The following RCAN2 variants were observed in gnomAD, a reference collection of about 807,000 sequenced individuals.
RCAN2 encodes regulator of calcineurin 2, also known as calcipressin-2.
Under a neutral mutation model 23.6 loss-of-function variants are expected in RCAN2, and 9 were observed. The observed-to-expected ratio is 0.38, with a 90% confidence interval of 0.23 to 0.67. The LOEUF is 0.67. Among genes scored for constraint, RCAN2 ranks in the 30% least tolerant of loss-of-function variants. RCAN2 has a pLI of 0.51. For synonymous variants in RCAN2, 109 were observed against 115.7 expected, an observed-to-expected ratio of 0.94 and a Z score of 0.37; for missense variants, 273 against 302.3, an observed-to-expected ratio of 0.90 and a Z score of 0.72.
At chr6:46,372,979 C>T (rs1016886772) in intron 2 of RCAN2, among the ~76,000 whole-genome samples, 1 of 152,134 alleles carries the variant, frequency 6.6e-6, no homozygotes, top group Non-Finnish European at 1.5e-5. Flanking sequence ...AAATGACATT[C>T]GTAGTGAATA....
chr6:46,261,579 C>G (rs954852675), intron 2 of RCAN2, among the ~76,000 whole-genome samples: 2 of 152,134 alleles, frequency 1.3e-5, no homozygotes, highest in African/African-American at 2.4e-5. Flanking sequence ...CCAAATATCC[C>G]TATATCCGGA....
At chr6:46,374,408 C>G (rs1231202010) in intron 2 of RCAN2, among the ~76,000 whole-genome samples, 1 of 152,142 alleles carries the variant, frequency 6.6e-6, no homozygotes, top group Non-Finnish European at 1.5e-5. Context: ...ACATGTTGCT[C>G]CAGCTCTCAA....
At chr6:46,294,289 CAG>C (rs1762652219) in intron 2 of RCAN2, among the ~76,000 whole-genome samples, 1 of 152,120 alleles carries the variant, frequency 6.6e-6, no homozygotes, top group Admixed American at 6.6e-5. Flanking sequence ...TTTATTGAAT[CAG>C]AAAACATATA....
chr6:46,317,400 T>A (rs1763473717), intron 2 of RCAN2, among the ~76,000 whole-genome samples: 1 of 152,220 alleles, frequency 6.6e-6, no homozygotes, highest in Non-Finnish European at 1.5e-5. Context: ...ATATTACATA[T>A]GAGTTCAATG....
chr6:46,458,257 A>G (rs1026763285), intron 1 of RCAN2, among the ~76,000 whole-genome samples: 1 of 152,196 alleles, frequency 6.6e-6, no homozygotes, highest in African/African-American at 2.4e-5. Flanking sequence ...ACAAAATATC[A>G]GTTTCTGCTT....
chr6:46,320,207 C>T lies in RCAN2; in HGVS notation c.226-71311G>A, dbSNP rs9472738. ...GTGCCCAGATCCTTACCCTAGTGCT[C>T]GCAAAAAACTTAAGAAATGGGCATG... On this transcript the variant is annotated intron_variant, in intron 2 of 4. Transcript: ENST00000371374. 3.1e-3 allele frequency among the ~76,000 whole-genome samples: 471 copies of T among 152,292 alleles called. 3 individuals carry two copies. Among genetic ancestry groups the T allele is most frequent in the African/African-American group, 0.011 (438 of 41,574 alleles).
At chr6:46,250,043 GAGTA>G (rs1186316958) in intron 2 of RCAN2, among the ~76,000 whole-genome samples, 6 of 152,004 alleles carry the variant, frequency 3.9e-5, no homozygotes, top group African/African-American at 1.4e-4. Flanking sequence ...CAATTCAACT[GAGTA>G]AGTATCTATT....
intron 2 of RCAN2, among the ~76,000 whole-genome samples, chr6:46,340,679 T>A (rs1460637754): frequency 1.3e-5 from 2 of 152,226 alleles, no homozygotes; most frequent in African/African-American, 2.4e-5. Context: ...GGGAAATAAG[T>A]CTCTCTTCTG....
intron 2 of RCAN2, among the ~76,000 whole-genome samples, chr6:46,347,108 C>CT (rs1582128683): frequency 6.6e-6 from 1 of 152,162 alleles, no homozygotes; most frequent in Non-Finnish European, 1.5e-5. Flanking sequence ...ATCACCTGAC[C>CT]TTGTGATCCA....
rs952954386 is a variant in RCAN2 at position 46,221,882 on chromosome 6, G to C, written c.*1259C>G. ...ATCTTCTGTAATGCACTTTGGGCTAGAGAAATAGAAAAATCACACGTAACA... is the reference window on the plus strand; with the variant it reads ...ATCTTCTGTAATGCACTTTGGGCTACAGAAATAGAAAAATCACACGTAACA... On this transcript the variant is annotated 3_prime_UTR_variant, in exon 5 of 5. Coordinates refer to ENST00000371374, the MANE Select transcript of RCAN2 (RefSeq NM_001251974.2). 18 of 398,320 alleles carry C rather than the reference G, an allele frequency of 4.5e-5. 1 individual carries two copies. Among genetic ancestry groups the C allele is most frequent in the Non-Finnish European group, 8.0e-5 (18 of 225,922 alleles). 24.7% of individuals were successfully genotyped at this position (398,320 alleles called of 1,614,324 possible).
intron 2 of RCAN2, among the ~76,000 whole-genome samples, chr6:46,306,846 CT>C (rs957921037): frequency 1.3e-5 from 2 of 152,090 alleles, no homozygotes; most frequent in Admixed American, 6.6e-5. Flanking sequence ...ACCTGCCCTA[CT>C]TTTTTTCTCT....
At chr6:46,289,780 T>C (rs540479261) in intron 2 of RCAN2, among the ~76,000 whole-genome samples, 2 of 152,332 alleles carry the variant, frequency 1.3e-5, no homozygotes, top group East Asian at 3.9e-4. Flanking sequence ...ATTCTTCCTT[T>C]GAGTAATAGG....
intron 2 of RCAN2, among the ~76,000 whole-genome samples, chr6:46,391,195 G>C (rs943512502): frequency 1.3e-5 from 2 of 152,188 alleles, no homozygotes; most frequent in Admixed American, 6.5e-5. Flanking sequence ...AGTTCATGCA[G>C]CTGAGATCAT....
chr6:46,434,347 G>C (rs1175842583), intron 2 of RCAN2, among the ~76,000 whole-genome samples: 1 of 152,176 alleles, frequency 6.6e-6, no homozygotes, highest in Non-Finnish European at 1.5e-5. Flanking sequence ...TGGCAGCTGA[G>C]GGAGAGGTGT....
At chr6:46,322,076 G>A (rs1478525553) in intron 2 of RCAN2, among the ~76,000 whole-genome samples, 4 of 152,186 alleles carry the variant, frequency 2.6e-5, no homozygotes, top group Admixed American at 6.5e-5. Flanking sequence ...AGGGGACACC[G>A]ATGTGCAATC....
At chr6:46,382,077 A>G in intron 2 of RCAN2, among the ~76,000 whole-genome samples, 1 of 152,318 alleles carries the variant, frequency 6.6e-6, no homozygotes, top group African/African-American at 2.4e-5. Context: ...AATGTGGAGC[A>G]GTAGAGTGAG....
At chr6:46,281,452 C>A (rs1170778891) in intron 2 of RCAN2, among the ~76,000 whole-genome samples, 1 of 152,126 alleles carries the variant, frequency 6.6e-6, no homozygotes, top group African/African-American at 2.4e-5. Flanking sequence ...ATCCACTCTT[C>A]AAAAAGTGTA....
chr6:46,388,815 G>T (rs978312224), intron 2 of RCAN2, among the ~76,000 whole-genome samples: 1 of 152,126 alleles, frequency 6.6e-6, no homozygotes, highest in Admixed American at 6.6e-5. Flanking sequence ...CCGGCAGAGT[G>T]GGGAGAGCAT....
At chr6:46,389,499 C>T (rs969574134) in intron 2 of RCAN2, among the ~76,000 whole-genome samples, 1 of 152,170 alleles carries the variant, frequency 6.6e-6, no homozygotes, top group East Asian at 1.9e-4. Flanking sequence ...CGATATTACC[C>T]GCTGGGGTAC....
Sources: allele counts gnomAD v4.1 joint callset (sites outside exome capture counted in the v4.1 genomes callset), GRCh38; gene constraint gnomAD v4.1.1; transcripts MANE v1.5; gene names NCBI Gene and HGNC (gene_info 2026-07-23, HGNC 2026-07-21).